The following STMN2 variants were observed in gnomAD, a reference collection of about 807,000 sequenced individuals.
The protein encoded by STMN2 is stathmin-2.
In STMN2, 2 loss-of-function variants were observed where a neutral mutation model predicts 24.1. The ratio of observed to expected loss-of-function variants is 0.08; its 90% confidence interval spans 0.03 to 0.26. The LOEUF (loss-of-function observed/expected upper bound fraction) is 0.26. Among genes scored for constraint, STMN2 ranks in the 10% least tolerant of loss-of-function variants. The probability of loss-of-function intolerance (pLI) is 1.00; values close to 1 mark genes in which losing one functional copy is unlikely to be tolerated. For missense variants in STMN2, 114 were observed against 213.6 expected, an observed-to-expected ratio of 0.53 and a Z score of 2.91; for synonymous variants, 83 against 77.5, an observed-to-expected ratio of 1.07 and a Z score of -0.37.
At chr8:79,637,612 C>A (rs973631477) in intron 2 of STMN2, among the ~76,000 whole-genome samples, 1 of 152,136 alleles carries the variant, frequency 6.6e-6, no homozygotes, top group East Asian at 1.9e-4. Context: ...GAGGTTTAAA[C>A]GGTTTAATGT....
chr8:79,623,689 G>A (rs1809572606), intron 1 of STMN2, among the ~76,000 whole-genome samples: 1 of 152,002 alleles, frequency 6.6e-6, no homozygotes, highest in Admixed American at 6.5e-5. Flanking sequence ...ATGGAATAGT[G>A]ACAAACAAGG....
At chr8:79,611,348 C>A in intron 1 of STMN2, 134 bp downstream of exon 1, 1 of 1,216,504 alleles carries the variant, frequency 8.2e-7, no homozygotes, top group Non-Finnish European at 1.2e-6. Context: ...CCAGGAAGGA[C>A]AGGGCAGTTC....
chr8:79,644,853 A>G (rs1810184564), intron 3 of STMN2, among the ~76,000 whole-genome samples: 1 of 152,164 alleles, frequency 6.6e-6, no homozygotes, highest in Non-Finnish European at 1.5e-5. Flanking sequence ...AGTACTGTCC[A>G]AGGAATATAA....
At chr8:79,659,236 G>C (rs1806445593) in intron 4 of STMN2, among the ~76,000 whole-genome samples, 1 of 152,098 alleles carries the variant, frequency 6.6e-6, no homozygotes, top group Non-Finnish European at 1.5e-5. Flanking sequence ...TGCCACAAAG[G>C]CCTGCATTAG....
chr8:79,650,564 G>A (rs1810313570), intron 3 of STMN2, among the ~76,000 whole-genome samples: 1 of 152,096 alleles, frequency 6.6e-6, no homozygotes, highest in Admixed American at 6.5e-5. Context: ...TTTTTTCCTT[G>A]AGGGTCTGAC....
chr8:79,656,153 A>G (rs1028696693), intron 4 of STMN2, among the ~76,000 whole-genome samples: 11 of 152,228 alleles, frequency 7.2e-5, no homozygotes, highest in African/African-American at 2.2e-4. Flanking sequence ...GAAATCAGGC[A>G]TGAAAACTTT....
chr8:79,651,279 C>T (rs180953887), intron 3 of STMN2, among the ~76,000 whole-genome samples: 3 of 152,260 alleles, frequency 2.0e-5, no homozygotes, highest in African/African-American at 7.2e-5. Context: ...CTGTTTCACC[C>T]CATTAATTGT....
chr8:79,648,073 C>T (rs78672959), intron 3 of STMN2, among the ~76,000 whole-genome samples: 1,644 of 152,288 alleles, frequency 0.011, 34 homozygotes, highest in African/African-American at 0.038. Flanking sequence ...CATGAGCATC[C>T]TTAGCAGGGC....
At chr8:79,633,145 C>A (rs1440184010) in intron 1 of STMN2, among the ~76,000 whole-genome samples, 1 of 152,172 alleles carries the variant, frequency 6.6e-6, no homozygotes, top group African/African-American at 2.4e-5. Context: ...AACTGTACCA[C>A]GTTAGGAGGA....
chr8:79,632,764 G>A (rs1223056811), intron 1 of STMN2, among the ~76,000 whole-genome samples: 2 of 152,148 alleles, frequency 1.3e-5, no homozygotes, highest in African/African-American at 4.8e-5. Context: ...AAACTAAAGT[G>A]TCAAATACAA....
chr8:79,650,460 C>T (rs1368362356), intron 3 of STMN2, among the ~76,000 whole-genome samples: 2 of 152,176 alleles, frequency 1.3e-5, no homozygotes, highest in Non-Finnish European at 2.9e-5. Context: ...CAGCCTCACT[C>T]ACTTCATGTC....
At chr8:79,635,019 CTTAA>C (rs1007256255) in intron 1 of STMN2, among the ~76,000 whole-genome samples, 2 of 152,158 alleles carry the variant, frequency 1.3e-5, no homozygotes, top group Non-Finnish European at 2.9e-5. Flanking sequence ...TACCATTTTC[CTTAA>C]TTTATTAATT....
intron 1 of STMN2, among the ~76,000 whole-genome samples, chr8:79,630,207 T>A (rs1242093950): frequency 1.3e-5 from 2 of 152,198 alleles, no homozygotes. Context: ...GTCTCCAAAC[T>A]TCTGGTTAAT....
At chr8:79,627,186 T>A (rs1418877187) in intron 1 of STMN2, among the ~76,000 whole-genome samples, 1 of 152,166 alleles carries the variant, frequency 6.6e-6, no homozygotes, top group Admixed American at 6.5e-5. Flanking sequence ...TTAGGCTGAA[T>A]AAACAAGAGA....
chr8:79,631,574 T>A, intron 1 of STMN2: 1 of 602,640 alleles, frequency 1.7e-6, no homozygotes, highest in Non-Finnish European at 2.1e-6. Flanking sequence ...TTTTTCTTTT[T>A]AAAGTTACAT....
At chr8:79,631,419 T>C (rs1364129332) in intron 1 of STMN2, 1 of 984,990 alleles carries the variant, frequency 1.0e-6, no homozygotes, top group African/African-American at 1.7e-5. Context: ...GAAAACCAAA[T>C]TTTTGTAGAG....
chr8:79,658,556 T>C (rs1467057006), intron 4 of STMN2, among the ~76,000 whole-genome samples: 1 of 151,998 alleles, frequency 6.6e-6, no homozygotes, highest in East Asian at 1.9e-4. Flanking sequence ...CTGAATAATA[T>C]CAGTAAAAGT....
At chr8:79,621,558 C>G (rs1195437480) in intron 1 of STMN2, among the ~76,000 whole-genome samples, 1 of 152,206 alleles carries the variant, frequency 6.6e-6, no homozygotes, top group South Asian at 2.1e-4. Flanking sequence ...GAAGAGCCTT[C>G]TTCTTCTTAA....
intron 4 of STMN2, among the ~76,000 whole-genome samples, chr8:79,656,898 G>C (rs1806385730): frequency 8.0e-6 from 1 of 125,250 alleles, no homozygotes; most frequent in Non-Finnish European, 2.0e-5. Context: ...TTTTGAGATA[G>C]AGTCTCGCTG....
Sources: allele counts gnomAD v4.1 joint callset (sites outside exome capture counted in the v4.1 genomes callset), GRCh38; gene constraint gnomAD v4.1.1; transcripts MANE v1.5; gene names NCBI Gene and HGNC (gene_info 2026-07-23, HGNC 2026-07-21).